The following CTNND2 variants were observed in gnomAD, a reference collection of about 807,000 sequenced individuals.
The protein encoded by CTNND2 is catenin delta-2.
CTNND2 carries 22 observed loss-of-function variants against 144.4 expected under a neutral mutation model. The observed-to-expected ratio is 0.15, with a 90% CI of 0.11 to 0.22. CTNND2 has a LOEUF of 0.22. CTNND2 is among the 10% of genes least tolerant of loss of function. The pLI is 1.00. For missense variants in CTNND2, 1,353 were observed against 1,618.8 expected (o/e 0.84, Z 2.82); for synonymous variants, 751 against 695.6 (o/e 1.08, Z -1.25).
rs1330346090 is a variant in CTNND2 at position 11,384,979 on chromosome 5, T to C, written c.863A>G (p.Glu288Gly). Residue 288 changes from glutamate to glycine, a missense_variant, in exon 7 of 22, where the codon GAG becomes GGG. Coordinates refer to ENST00000304623, the MANE Select transcript of CTNND2 (RefSeq NM_001332.4). The surrounding 1 kb of genome is among the most constrained non-coding windows in gnomAD (Gnocchi z 5.2). ...GCGCGGCGCGGCGTAGGTGGCGCCCTCGGGGGCCGAGCCGCCGCGCTGCAG... is the reference window on the plus strand; with the variant it reads ...GCGCGGCGCGGCGTAGGTGGCGCCCCCGGGGGCCGAGCCGCCGCGCTGCAG... ...TKLQRGGSAPEGATYAAPRGS... is the reference protein window; with the variant it reads ...TKLQRGGSAPGGATYAAPRGS... 2 of 1,533,540 alleles carry C rather than the reference T, an allele frequency of 1.3e-6. No individual in the cohort carries two copies. Among genetic ancestry groups the C allele is most frequent in the African/African-American group, 1.4e-5 (1 of 72,150 alleles). 95.0% of individuals were successfully genotyped at this position (1,533,540 alleles called of 1,614,324 possible).
chr5:11,329,039 T>C (rs1274014378), intron 9 of CTNND2, among the ~76,000 whole-genome samples: 1 of 152,232 alleles, frequency 6.6e-6, no homozygotes, highest in Admixed American at 6.5e-5. Flanking sequence ...AAATTCCCAC[T>C]GTCCTCATGA....
In CTNND2 at chr5:10,976,690, A is replaced by T. The variant is rs996189129; in HGVS notation, c.3418-2977T>A. 2.0e-5 allele frequency among the ~76,000 whole-genome samples: 3 copies of T among 152,330 alleles called. No individual in the cohort carries two copies. The Middle Eastern group carries it at 0.01, about 518-fold the overall frequency. ...ATATTCACTCTAAATTATGAAGGAT[A>T]GTGTCATGACACCTTCCAACTCTGT... On this transcript the variant is annotated intron_variant, in intron 21 of 21. Coordinates refer to ENST00000304623, the MANE Select transcript of CTNND2 (RefSeq NM_001332.4).
chr5:11,519,476 T>C (rs573184446), intron 3 of CTNND2, among the ~76,000 whole-genome samples: 1 of 150,468 alleles, frequency 6.6e-6, no homozygotes, highest in South Asian at 2.1e-4. Context: ...ACTTAAAGGC[T>C]CTATGGTTTA....
At chr5:11,200,810 C>T (rs1255959253) in intron 10 of CTNND2, among the ~76,000 whole-genome samples, 1 of 152,220 alleles carries the variant, frequency 6.6e-6, no homozygotes, top group African/African-American at 2.4e-5. Context: ...TCCCGAGTAA[C>T]TGGGACTATA....
intron 1 of CTNND2, among the ~76,000 whole-genome samples, chr5:11,816,641 A>AAGAGAG (rs554667592): frequency 1.1e-3 from 4 of 3,700 alleles, no homozygotes; most frequent in Admixed American, 7.8e-3. Flanking sequence ...AGAGGGGGGG[A>AAGAGAG]AGAGAGAGAG....
At chr5:11,313,233 C>T (rs1451492451) in intron 9 of CTNND2, among the ~76,000 whole-genome samples, 4 of 152,168 alleles carry the variant, frequency 2.6e-5, no homozygotes, top group Non-Finnish European at 5.9e-5. Flanking sequence ...CCTGTCCCTC[C>T]TCCTCCTCCC....
At chr5:11,846,216 C>T (rs1014312348) in intron 1 of CTNND2, among the ~76,000 whole-genome samples, 1 of 151,956 alleles carries the variant, frequency 6.6e-6, no homozygotes, top group Non-Finnish European at 1.5e-5. Flanking sequence ...TCAATAAAAA[C>T]AGAAATATTA....
intron 9 of CTNND2, among the ~76,000 whole-genome samples, chr5:11,327,745 GGTGATTCAGACATTAATGC>G (rs1752677536): frequency 6.6e-6 from 1 of 151,994 alleles, no homozygotes; most frequent in Non-Finnish European, 1.5e-5. Flanking sequence ...TGATAAAATT[GGTGATTCAGACATTAATGC>G]GTGCAGAAAT....
In CTNND2 at chr5:11,279,031, T is replaced by A. The variant is rs77093712; in HGVS notation, c.1629-42208A>T. On this transcript the variant is annotated intron_variant, in intron 9 of 21. Transcript: ENST00000304623. ...TAGCGTATAGACTGGGGTAATAATA[T>A]AATTTGCTGTCAAAACCTGATGCTT... 4.3e-3 allele frequency among the ~76,000 whole-genome samples: 656 copies of A among 152,266 alleles called. 4 individuals carry two copies. Among genetic ancestry groups the A allele is most frequent in the African/African-American group, 0.015 (610 of 41,550 alleles).
At chr5:11,861,309 T>A (rs1406404778) in intron 1 of CTNND2, among the ~76,000 whole-genome samples, 1 of 152,126 alleles carries the variant, frequency 6.6e-6, no homozygotes, top group Non-Finnish European at 1.5e-5. Flanking sequence ...TAATACCACA[T>A]AACAGAACCG....
chr5:11,101,039 G>T (rs1751829594), intron 14 of CTNND2, among the ~76,000 whole-genome samples: 1 of 152,160 alleles, frequency 6.6e-6, no homozygotes, highest in Non-Finnish European at 1.5e-5. Context: ...GAATCTGAAG[G>T]AATAAAAGGA....
intron 16 of CTNND2, among the ~76,000 whole-genome samples, chr5:11,052,650 G>A (rs1745956858): frequency 6.6e-6 from 1 of 152,018 alleles, no homozygotes; most frequent in African/African-American, 2.4e-5. Context: ...CTCCTCCCAG[G>A]CACTGCCAAA....
intron 1 of CTNND2, among the ~76,000 whole-genome samples, chr5:11,890,603 C>T (rs544533878): frequency 2.0e-5 from 3 of 152,278 alleles, no homozygotes; most frequent in South Asian, 2.1e-4. Context: ...TGCATTAATG[C>T]TTGTCAGTTC....
rs34917192 is a variant in CTNND2 at position 11,698,288 on chromosome 5, A to AT, written c.174+33847dup. Among the ~76,000 whole-genome samples, 940 of 140,500 alleles carry AT rather than the reference A, an allele frequency of 6.7e-3. 5 individuals carry two copies. The highest frequency in any genetic ancestry group is 0.011 in the East Asian group (54 of 4,904). The allele number at this position is 140,500 out of a possible 152,430, so 92.2% of individuals were successfully genotyped here. A position where few individuals can be genotyped will look rare whatever the true frequency, so the allele number is the denominator to read the frequency against. ...TCTTGTATTAAAGCAACACATTATT[A>AT]TTTTTTTTTTTTTTTTTTGAGACGG... On this transcript the variant is annotated intron_variant, in intron 2 of 21. Transcript: ENST00000304623.
At chr5:11,184,201 C>T (rs1440948736) in intron 11 of CTNND2, among the ~76,000 whole-genome samples, 1 of 152,080 alleles carries the variant, frequency 6.6e-6, no homozygotes, top group Non-Finnish European at 1.5e-5. Context: ...GGGGATGGTT[C>T]TTTCTAATCT....
chr5:11,669,346 G>A (rs1435818513), intron 2 of CTNND2, among the ~76,000 whole-genome samples: 2 of 151,954 alleles, frequency 1.3e-5, no homozygotes, highest in East Asian at 1.9e-4. Flanking sequence ...GGTACCTTCC[G>A]CTCTTTGTAC....
intron 13 of CTNND2, among the ~76,000 whole-genome samples, chr5:11,113,626 A>G (rs181353461): frequency 1.3e-5 from 2 of 152,308 alleles, no homozygotes; most frequent in Non-Finnish European, 2.9e-5. Flanking sequence ...GCCAAGTTTT[A>G]TTTGAAGAAT....
intron 21 of CTNND2, among the ~76,000 whole-genome samples, chr5:10,975,559 G>C (rs1053569834): frequency 1.3e-5 from 2 of 152,196 alleles, no homozygotes; most frequent in Admixed American, 6.5e-5. Flanking sequence ...GTCATAGCTA[G>C]TGGTGTTGTG....
At chr5:11,017,287 G>C (rs796744661) in intron 18 of CTNND2, among the ~76,000 whole-genome samples, 19 of 152,062 alleles carry the variant, frequency 1.2e-4, no homozygotes, top group African/African-American at 4.6e-4. Flanking sequence ...AGGGATTTTT[G>C]AGCCATGTTG....
Sources: gnomAD v4.1 joint callset for allele counts (sites outside exome capture counted in the v4.1 genomes callset) on GRCh38, gnomAD v4.1.1 for gene constraint, Gnocchi (gnomAD v3.1) non-coding constraint, MANE v1.5 for transcripts, NCBI Gene and HGNC (gene_info 2026-07-23, HGNC 2026-07-21) for gene names.